Variants in AKNAD1 observed in about 807,000 individuals in gnomAD.
The protein encoded by AKNAD1 is protein AKNAD1.
Under a neutral mutation model 90.8 loss-of-function variants are expected in AKNAD1, and 67 were observed. The observed-to-expected ratio is 0.74, with a 90% CI of 0.61 to 0.90. AKNAD1 has a LOEUF of 0.90. Ranked by LOEUF, AKNAD1 falls within the 40% of genes least tolerant of loss-of-function variation. AKNAD1 has a pLI of 0.00. For missense variants in AKNAD1, 957 were observed against 975.4 expected, an observed-to-expected ratio of 0.98 and a Z score of 0.25; for synonymous variants, 327 against 341.4, an observed-to-expected ratio of 0.96 and a Z score of 0.46.
Position 108,837,631 on chromosome 1 carries a change from A to AT in AKNAD1, c.1454dup (p.Tyr485Ter). The change falls in exon 7 of 16, where the codon TAT becomes TAAT. Residue 485 changes from tyrosine to a stop codon, truncating the protein, a stop_gained and frameshift_variant. Coordinates refer to ENST00000370001, the MANE Select transcript of AKNAD1 (RefSeq NM_152763.5). LOFTEE classifies it high-confidence loss of function. Reference protein sequence around the residue: ...DVKEKMDESKYTSAPSLPVSS... With the variant: ...DVKEKMDESK ...TCACAGGAAGGGAAGGAGCTGAAGTATATTTGCTTTCATCCATTTTCTCTT... is the reference window on the plus strand; with the variant it reads ...TCACAGGAAGGGAAGGAGCTGAAGTATTATTTGCTTTCATCCATTTTCTCTT... 1.2e-6 allele frequency: 2 copies of AT among 1,614,218 alleles called. No individual in the cohort carries two copies. The highest frequency in any genetic ancestry group is 1.6e-4 in the Middle Eastern group (1 of 6,062).
chr1:108,853,469 C>T (rs562675996), intron 1 of AKNAD1, among the ~76,000 whole-genome samples: 4 of 151,560 alleles, frequency 2.6e-5, no homozygotes, highest in African/African-American at 7.3e-5. Flanking sequence ...GCCTTGTCCA[C>T]GTGTCACTGA....
intron 14 of AKNAD1, among the ~76,000 whole-genome samples, chr1:108,817,860 A>G (rs1663669782): frequency 6.6e-6 from 1 of 152,078 alleles, no homozygotes; most frequent in South Asian, 2.1e-4. Flanking sequence ...CAAAACTGCC[A>G]ATTGCAGGTA....
chr1:108,838,137 T>C (rs931367409), intron 6 of AKNAD1, among the ~76,000 whole-genome samples: 2 of 152,216 alleles, frequency 1.3e-5, no homozygotes, highest in Non-Finnish European at 2.9e-5. Context: ...TATGAATATA[T>C]GTGTATGTGT....
intron 5 of AKNAD1, among the ~76,000 whole-genome samples, chr1:108,847,093 C>T (rs948417912): frequency 6.6e-6 from 1 of 152,044 alleles, no homozygotes; most frequent in Non-Finnish European, 1.5e-5. Context: ...TTCTGGCTTC[C>T]GAACCAATCT....
In AKNAD1 at chr1:108,852,443, A is replaced by C. The variant is rs1425838070; in HGVS notation, c.222T>G (p.Gly74=). 9 of 1,613,736 alleles carry C rather than the reference A, an allele frequency of 5.6e-6. No individual in the cohort carries two copies. The highest frequency in any genetic ancestry group is 5.9e-6 in the Non-Finnish European group (7 of 1,179,890). ...CGNTAVTIPL[G]KITENAANKK... Reference sequence around the variant, plus strand: ...TGTTGGCAGCATTTTCAGTAATTTTACCCAGGGGTATGGTCACAGCTGTAT... The same window carrying C: ...TGTTGGCAGCATTTTCAGTAATTTTCCCCAGGGGTATGGTCACAGCTGTAT... The change falls in exon 2 of 16, where the codon GGT becomes GGG. Residue 74 remains glycine (G), a synonymous_variant. Coordinates refer to ENST00000370001, the MANE Select transcript of AKNAD1 (RefSeq NM_152763.5).
At chr1:108,837,362 C>T (rs1664417565) in intron 7 of AKNAD1, 188 bp downstream of exon 7, 1 of 538,544 alleles carries the variant, frequency 1.9e-6, no homozygotes, top group Non-Finnish European at 3.1e-6. Context: ...CAAAAATTAA[C>T]ACTTGAAATA....
At chr1:108,822,822 T>C (rs529523170) in intron 13 of AKNAD1, among the ~76,000 whole-genome samples, 80 of 152,316 alleles carry the variant, frequency 5.3e-4, no homozygotes, top group African/African-American at 1.8e-3. Flanking sequence ...CTCTCCTTAT[T>C]TGGGTATGAG....
Position 108,817,340 on chromosome 1 carries a change from C to A in AKNAD1, c.2250-163G>T, listed in dbSNP as rs757699598. The stretch of plus-strand genomic sequence containing the variant: ...TCTCATACTCCCATGTGGCTGACCG[C>A]AGCTGGGCTTCAGAAAATGGTTGTT... On this transcript the variant is annotated intron_variant, in intron 14 of 15. Transcript: ENST00000370001. The A allele has an allele frequency of 3.5e-4, 270 of 770,030 alleles. 1 individual carries two copies. Among genetic ancestry groups the A allele is most frequent in the Non-Finnish European group, 4.7e-4 (243 of 516,304 alleles). 47.7% of individuals were successfully genotyped at this position (770,030 alleles called of 1,614,324 possible).
In AKNAD1 at chr1:108,835,025, C is replaced by A; in HGVS notation, c.1568G>T (p.Gly523Val). The A allele has an allele frequency of 6.4e-7, 1 of 1,572,412 alleles. No homozygotes were observed. Among genetic ancestry groups the A allele is most frequent in the Non-Finnish European group, 8.6e-7 (1 of 1,165,388 alleles). ...IPKEHPGHPSGPRGSGGSEVT... is the reference protein window; with the variant it reads ...IPKEHPGHPSVPRGSGGSEVT... The stretch of plus-strand genomic sequence containing the variant: ...CTCACTCCCACCTGAGCCTCGAGGC[C>A]CAGAAGGGTGGCCGGGGTGCTCCTT... Residue 523 changes from glycine to valine, a missense_variant, in exon 8 of 16, where the codon GGG (glycine) becomes GTG (valine). Gly to Val is a moderately radical substitution (Grantham distance 109). Transcript: ENST00000370001.
chr1:108,818,695 G>C (rs1194421708), intron 14 of AKNAD1, among the ~76,000 whole-genome samples: 2 of 152,128 alleles, frequency 1.3e-5, no homozygotes, highest in Non-Finnish European at 2.9e-5. Context: ...AGGCATGGTG[G>C]CTCACGCCTG....
chr1:108,826,755 T>C (rs1269949773), intron 11 of AKNAD1, among the ~76,000 whole-genome samples: 1 of 148,792 alleles, frequency 6.7e-6, no homozygotes, highest in Non-Finnish European at 1.5e-5. Context: ...TTTTTTTTTT[T>C]TTGAAACAGG....
At chr1:108,844,673 A>G (rs1664652692) in intron 5 of AKNAD1, among the ~76,000 whole-genome samples, 1 of 152,114 alleles carries the variant, frequency 6.6e-6, no homozygotes, top group South Asian at 2.1e-4. Context: ...TACTCATTGT[A>G]TGATTTTAGT....
intron 9 of AKNAD1, among the ~76,000 whole-genome samples, chr1:108,833,398 C>T (rs746707919): frequency 2.0e-4 from 31 of 152,034 alleles, no homozygotes; most frequent in Non-Finnish European, 3.8e-4. Context: ...GTGTGGGCAA[C>T]GTGGTGAAAC....
chr1:108,823,166 A>T, intron 13 of AKNAD1: 2 of 719,380 alleles, frequency 2.8e-6, no homozygotes, highest in South Asian at 3.0e-5. Context: ...CTGCGATTTC[A>T]TATTTTCCAG....
At chr1:108,819,919 C>A (rs77715257) in intron 14 of AKNAD1, among the ~76,000 whole-genome samples, 27 of 129,010 alleles carry the variant, frequency 2.1e-4, no homozygotes, top group African/African-American at 3.3e-4. Flanking sequence ...GAATTAACAG[C>A]AAAAAAAAAA....
At chr1:108,820,850 C>A (rs1663789490) in intron 13 of AKNAD1, among the ~76,000 whole-genome samples, 1 of 151,652 alleles carries the variant, frequency 6.6e-6, no homozygotes. Context: ...TTGTTTGAGG[C>A]CAGGAGTTTG....
At chr1:108,822,972 A>C (rs1663865869) in intron 13 of AKNAD1, 2 of 549,792 alleles carry the variant, frequency 3.6e-6, no homozygotes, top group East Asian at 5.8e-5. Flanking sequence ...TGGAGTGTAA[A>C]AATAGTCTAC....
chr1:108,827,106 C>A, intron 11 of AKNAD1, 99 bp downstream of exon 11: 1 of 806,942 alleles, frequency 1.2e-6, no homozygotes, highest in Non-Finnish European at 2.1e-6. Flanking sequence ...TAGGGAAATG[C>A]TCTTGGAGTG....
In AKNAD1 at chr1:108,823,623, C is replaced by T; in HGVS notation, c.2002G>A (p.Asp668Asn). 4 of 1,614,136 alleles carry T rather than the reference C, an allele frequency of 2.5e-6. No individual in the cohort carries two copies. Among genetic ancestry groups the T allele is most frequent in the Non-Finnish European group, 3.4e-6 (4 of 1,180,030 alleles). Residue 668 changes from aspartate (D) to asparagine (N), a missense_variant, in exon 12 of 16, where the codon GAC becomes AAC. Physicochemically the swap from Asp to Asn is conservative, Grantham distance 23. Transcript: ENST00000370001. ...GTEMQSNKCQ[D>N]CGTKIPTSRR... is the part of the protein sequence containing the mutation. ...GAGGTAGGAATCTTAGTGCCACAGTCCTGACATTTGTTACTCTGCATTTCA... is the reference window on the plus strand; with the variant it reads ...GAGGTAGGAATCTTAGTGCCACAGTTCTGACATTTGTTACTCTGCATTTCA...
Sources: allele counts gnomAD v4.1 joint callset (sites outside exome capture counted in the v4.1 genomes callset), GRCh38; gene constraint gnomAD v4.1.1; transcripts MANE v1.5; gene names NCBI Gene and HGNC (gene_info 2026-07-23, HGNC 2026-07-21).